Variants in AGBL4 observed in about 807,000 individuals in gnomAD.
AGBL4 encodes the protein AGBL carboxypeptidase 4, also known as cytosolic carboxypeptidase 6.
AGBL4 carries 58 observed loss-of-function variants against 66.4 expected under a neutral mutation model. The observed-to-expected ratio is 0.87, with a 90% CI of 0.71 to 1.09. The LOEUF is 1.09. Among genes scored for constraint, AGBL4 ranks in the 50% least tolerant of loss-of-function variants. The probability of loss-of-function intolerance (pLI) is 0.00; values close to 1 mark genes in which losing one functional copy is unlikely to be tolerated. For missense variants in AGBL4, 579 were observed against 631.0 expected, an observed-to-expected ratio of 0.92 and a Z score of 0.88; for synonymous variants, 234 against 222.9, an observed-to-expected ratio of 1.05 and a Z score of -0.44.
chr1:48,989,577 G>A (rs1179838974), intron 5 of AGBL4, among the ~76,000 whole-genome samples: 1 of 151,918 alleles, frequency 6.6e-6, no homozygotes, highest in South Asian at 2.1e-4. Context: ...ATCTCCATGA[G>A]TTCAATTGTT....
intron 6 of AGBL4, among the ~76,000 whole-genome samples, chr1:48,841,899 G>A (rs1646814309): frequency 6.6e-6 from 1 of 152,082 alleles, no homozygotes; most frequent in Non-Finnish European, 1.5e-5. Context: ...TATTTACAGA[G>A]CACATGTAAT....
At chr1:49,459,044 CTCTT>C (rs1310167459) in intron 3 of AGBL4, among the ~76,000 whole-genome samples, 1 of 150,662 alleles carries the variant, frequency 6.6e-6, no homozygotes, top group Non-Finnish European at 1.5e-5. Context: ...TTCTTTCTTT[CTCTT>C]TCTTTCCTTT....
chr1:49,164,517 G>GTGACAAAGGCATATGAAAAAGAGA (rs1458685339), intron 4 of AGBL4, among the ~76,000 whole-genome samples: 34 of 152,264 alleles, frequency 2.2e-4, no homozygotes, highest in Admixed American at 1.2e-3. Flanking sequence ...GGTATGATAA[G>GTGACAAAGGCATATGAAAAAGAGA]TGACAAAGGC....
At chr1:48,567,022 GCA>G (rs1057250863) in intron 11 of AGBL4, among the ~76,000 whole-genome samples, 7 of 152,018 alleles carry the variant, frequency 4.6e-5, no homozygotes, top group Non-Finnish European at 1.0e-4. Flanking sequence ...ATATATACAT[GCA>G]CACACACACC....
At chr1:49,103,532 C>G (rs1443468755) in intron 4 of AGBL4, among the ~76,000 whole-genome samples, 1 of 152,204 alleles carries the variant, frequency 6.6e-6, no homozygotes, top group Non-Finnish European at 1.5e-5. Context: ...CACAGTCACA[C>G]AGGCTGAAGT....
intron 2 of AGBL4, among the ~76,000 whole-genome samples, chr1:49,778,929 A>G (rs1322050879): frequency 6.6e-6 from 1 of 152,192 alleles, no homozygotes; most frequent in African/African-American, 2.4e-5. Flanking sequence ...TGTAACAAAC[A>G]TGCACATGTA....
chr1:49,181,058 G>A (rs1646922552), intron 4 of AGBL4, among the ~76,000 whole-genome samples: 1 of 152,066 alleles, frequency 6.6e-6, no homozygotes, highest in Admixed American at 6.5e-5. Context: ...CACTCACAGA[G>A]GGCTGGTTCC....
intron 1 of AGBL4, among the ~76,000 whole-genome samples, chr1:49,857,192 A>AAAATTCCAAAAC (rs1484844200): frequency 6.6e-6 from 1 of 152,124 alleles, no homozygotes; most frequent in Non-Finnish European, 1.5e-5. Context: ...GACTGCAATG[A>AAAATTCCAAAAC]AAATTCCAAA....
intron 11 of AGBL4, among the ~76,000 whole-genome samples, chr1:48,555,573 T>C (rs1233061054): frequency 2.0e-5 from 3 of 152,156 alleles, no homozygotes; most frequent in Non-Finnish European, 4.4e-5. Context: ...CATGAGTGCC[T>C]TGTGTGATGT....
chr1:49,238,081 T>A (rs1557756357), intron 4 of AGBL4, among the ~76,000 whole-genome samples: 1 of 152,188 alleles, frequency 6.6e-6, no homozygotes, highest in Non-Finnish European at 1.5e-5. Context: ...TTATTCCTAT[T>A]GATAAGGTAT....
chr1:49,988,201 C>T (rs1035776740), intron 1 of AGBL4, among the ~76,000 whole-genome samples: 2 of 151,992 alleles, frequency 1.3e-5, no homozygotes, highest in African/African-American at 4.8e-5. Context: ...AATTATAAAA[C>T]CTGAAGCGAA....
intron 3 of AGBL4, among the ~76,000 whole-genome samples, chr1:49,685,178 T>C (rs894596462): frequency 7.2e-5 from 11 of 152,172 alleles, no homozygotes; most frequent in African/African-American, 2.7e-4. Flanking sequence ...TCTGTCCCCA[T>C]GTTAATTCAC....
At chr1:49,755,672 A>C (rs919659624) in intron 2 of AGBL4, among the ~76,000 whole-genome samples, 1 of 152,190 alleles carries the variant, frequency 6.6e-6, no homozygotes, top group African/African-American at 2.4e-5. Context: ...GAAATTTAAC[A>C]AGGAATCTTA....
chr1:49,969,381 G>GTGTGTA (rs1657858749), intron 1 of AGBL4, among the ~76,000 whole-genome samples: 1 of 152,044 alleles, frequency 6.6e-6, no homozygotes, highest in African/African-American at 2.4e-5. Context: ...GAGTGTGTGT[G>GTGTGTA]TGTGTATGTG....
chr1:49,215,128 G>A (rs1238327236), intron 4 of AGBL4, among the ~76,000 whole-genome samples: 2 of 152,064 alleles, frequency 1.3e-5, no homozygotes, highest in Non-Finnish European at 2.9e-5. Flanking sequence ...CAAGGAACCT[G>A]TCAGAAATAT....
chr1:49,707,711 T>C (rs1413390359), intron 2 of AGBL4, among the ~76,000 whole-genome samples: 2 of 152,184 alleles, frequency 1.3e-5, no homozygotes, highest in African/African-American at 4.8e-5. Context: ...TTCCCATATT[T>C]AGTGCTTCCT....
intron 2 of AGBL4, among the ~76,000 whole-genome samples, chr1:49,733,560 T>A (rs987260589): frequency 6.6e-6 from 1 of 152,106 alleles, no homozygotes; most frequent in Non-Finnish European, 1.5e-5. Flanking sequence ...AGCCAGTGAA[T>A]CCAGTGTATG....
intron 3 of AGBL4, among the ~76,000 whole-genome samples, chr1:49,458,124 T>C (rs1646431387): frequency 2.6e-5 from 4 of 151,658 alleles, no homozygotes; most frequent in South Asian, 2.1e-4. Flanking sequence ...TTGCATTGAA[T>C]TGTAGATTGC....
intron 3 of AGBL4, among the ~76,000 whole-genome samples, chr1:49,325,179 C>T (rs552971416): frequency 4.2e-4 from 64 of 152,274 alleles, no homozygotes; most frequent in African/African-American, 1.3e-3. Flanking sequence ...CCTGCCACCA[C>T]GCCCAGCTAA....
Sources: gnomAD v4.1 joint callset for allele counts (sites outside exome capture counted in the v4.1 genomes callset) on GRCh38, gnomAD v4.1.1 for gene constraint, MANE v1.5 for transcripts, NCBI Gene and HGNC (gene_info 2026-07-23, HGNC 2026-07-21) for gene names.